Variants in KIF26B observed in about 807,000 individuals in gnomAD.
KIF26B encodes kinesin family member 26B.
A neutral mutation model predicts 151.2 loss-of-function variants in KIF26B; 63 were observed. The ratio of observed to expected loss-of-function variants is 0.42; its 90% CI spans 0.34 to 0.51. The LOEUF (loss-of-function observed/expected upper bound fraction) is 0.51. Ranked by LOEUF, KIF26B falls within the 20% of genes least tolerant of loss-of-function variation. The probability of loss-of-function intolerance (pLI) is 0.07; values close to 1 mark genes in which losing one functional copy is unlikely to be tolerated. For missense variants in KIF26B, 2,813 were observed against 2,913.6 expected (o/e 0.97, Z 0.79); for synonymous variants, 1,357 against 1,262.1 (o/e 1.08, Z -1.59).
intron 10 of KIF26B, among the ~76,000 whole-genome samples, chr1:245,662,243 A>G (rs551599936): frequency 1.3e-5 from 2 of 150,664 alleles, no homozygotes; most frequent in East Asian, 3.9e-4. Flanking sequence ...ACCCAATGAT[A>G]TATCTATACA....
intron 12 of KIF26B, among the ~76,000 whole-genome samples, chr1:245,697,568 C>G (rs371628081): frequency 6.6e-6 from 1 of 152,064 alleles, no homozygotes; most frequent in African/African-American, 2.4e-5. Context: ...AACTAGGAGG[C>G]GGTTCTAAAG....
Position 245,579,852 on chromosome 1 carries a change from GAAAA to G in KIF26B, c.1351-22713_1351-22710del, listed in dbSNP as rs113159653. Among the ~76,000 whole-genome samples, 683 of 106,896 alleles carry G rather than the reference GAAAA, an allele frequency of 6.4e-3. 10 individuals carry two copies. Among genetic ancestry groups the G allele is most frequent in the South Asian group, 0.033 (117 of 3,494 alleles). 70.1% of individuals were successfully genotyped at this position (106,896 alleles called of 152,430 possible). A position where few individuals can be genotyped will look rare whatever the true frequency, so the allele number is the denominator to read the frequency against. ...AACAAGAGTGAAACTTCATCTCAAA[GAAAA>G]AAAAAAAAAAAGAGCTTTGATTTTC... On this transcript the variant is annotated intron_variant, in intron 5 of 14. Transcript: ENST00000407071.
In KIF26B at chr1:245,704,119, G is replaced by A. The variant is rs2044810069; in HGVS notation, c.*1513G>A. ...TTTCCCTGATAAAAGCTGTGGTGCT[G>A]ATGATAGTGCAGCCCAGAATCTAAG... is the stretch of plus-strand genomic sequence containing the variant. On this transcript the variant is annotated 3_prime_UTR_variant, in exon 15 of 15. Transcript: ENST00000407071. 1 of 152,266 alleles carries A rather than the reference G, an allele frequency of 6.6e-6. No individual in the cohort carries two copies. The highest frequency in any genetic ancestry group is 2.4e-5 in the African/African-American group (1 of 41,456). The allele number at this position is 152,266 out of a possible 1,614,324, so 9.4% of individuals were successfully genotyped here.
chr1:245,219,817 T>A (rs1159880162), intron 2 of KIF26B, among the ~76,000 whole-genome samples: 2 of 152,172 alleles, frequency 1.3e-5, no homozygotes, highest in Non-Finnish European at 2.9e-5. Context: ...TCACTGCCTC[T>A]CCTGCCAGCT....
chr1:245,261,488 TCTCTCTCTCTCTCTCC>T lies in KIF26B; in HGVS notation c.465+104809_465+104824del, dbSNP rs1185978666. On this transcript the variant is annotated intron_variant, in intron 2 of 14. Coordinates refer to ENST00000407071, the MANE Select transcript of KIF26B (RefSeq NM_018012.4). ...TTCTTTCTCTCTCTCTCTCTCTCTC[TCTCTCTCTCTCTCTCC>T]CTCCCTCCCTCCCTCCCTCTCTCTC... Among the ~76,000 whole-genome samples, 692 of 124,904 alleles carry T rather than the reference TCTCTCTCTCTCTCTCC, an allele frequency of 5.5e-3. 9 individuals are homozygous for T. Among genetic ancestry groups the T allele is most frequent in the African/African-American group, 0.021 (625 of 30,436 alleles). 81.9% of individuals were successfully genotyped at this position (124,904 alleles called of 152,430 possible). A position where few individuals can be genotyped will look rare whatever the true frequency, so the allele number is the denominator to read the frequency against.
At chr1:245,414,206 G>A (rs1674362301) in intron 3 of KIF26B, among the ~76,000 whole-genome samples, 2 of 152,232 alleles carry the variant, frequency 1.3e-5, no homozygotes, top group African/African-American at 2.4e-5. Flanking sequence ...CTTTGTTATA[G>A]GTAGCAGCAA....
intron 10 of KIF26B, among the ~76,000 whole-genome samples, chr1:245,646,645 G>C (rs989128010): frequency 1.3e-5 from 2 of 152,134 alleles, no homozygotes; most frequent in Admixed American, 6.5e-5. Context: ...ATCCTTAGGG[G>C]TAGGGCCACC....
intron 5 of KIF26B, among the ~76,000 whole-genome samples, chr1:245,559,276 T>G (rs1662110859): frequency 6.6e-6 from 1 of 152,154 alleles, no homozygotes; most frequent in Non-Finnish European, 1.5e-5. Context: ...AAGTCTAAGC[T>G]CCGGTGAGCC....
At chr1:245,531,978 G>A (rs1048350898) in intron 4 of KIF26B, among the ~76,000 whole-genome samples, 1 of 152,076 alleles carries the variant, frequency 6.6e-6, no homozygotes, top group African/African-American at 2.4e-5. Context: ...GGGCACACCT[G>A]TAGTCCTCGC....
chr1:245,365,387 TGCTGAGGA>T (rs1210259940), intron 2 of KIF26B, among the ~76,000 whole-genome samples: 1 of 152,124 alleles, frequency 6.6e-6, no homozygotes, highest in South Asian at 2.1e-4. Context: ...AATCAGTGCG[TGCTGAGGA>T]GCTGTTCGGG....
rs968319727 is a variant in KIF26B at position 245,635,288 on chromosome 1, G to C, written c.2099-10833G>C. Among the ~76,000 whole-genome samples, 20 of 152,022 alleles carry C rather than the reference G, an allele frequency of 1.3e-4. No individual in the cohort carries two copies. In the East Asian group the frequency reaches 3.5e-3, roughly 27 times the overall value. On this transcript the variant is annotated intron_variant, in intron 9 of 14. Transcript: ENST00000407071. Reference sequence around the variant, plus strand: ...CTAGAGTTTTACCTGTGGAAAGGTTGTGAACTACAGATTCTATTTCTTTAA... The same window carrying C: ...CTAGAGTTTTACCTGTGGAAAGGTTCTGAACTACAGATTCTATTTCTTTAA...
intron 10 of KIF26B, among the ~76,000 whole-genome samples, chr1:245,682,452 A>ATAT (rs1262069099): frequency 2.0e-5 from 3 of 147,828 alleles, no homozygotes; most frequent in Admixed American, 6.7e-5. Flanking sequence ...TCCACTACTC[A>ATAT]TGTAAGACCT....
intron 2 of KIF26B, among the ~76,000 whole-genome samples, chr1:245,240,744 C>A (rs1670199649): frequency 1.3e-5 from 2 of 152,102 alleles, no homozygotes; most frequent in Non-Finnish European, 2.9e-5. Context: ...TTTAGGGAAG[C>A]TGGGAGAGGC....
At chr1:245,673,647 T>G (rs2044322401) in intron 10 of KIF26B, 1 of 152,286 alleles carries the variant, frequency 6.6e-6, no homozygotes, top group Non-Finnish European at 1.5e-5. Flanking sequence ...AAAGGGGTGC[T>G]GTCAAAATGC....
chr1:245,200,733 A>G (rs986871877), intron 2 of KIF26B, among the ~76,000 whole-genome samples: 9 of 152,204 alleles, frequency 5.9e-5, no homozygotes, highest in African/African-American at 1.9e-4. Context: ...CTGCCTTTTC[A>G]TAGAGAACGC....
chr1:245,229,856 C>T lies in KIF26B; in HGVS notation c.465+73173C>T, dbSNP rs560569696. ...AGAGCAAATAAAACCACTCAGAGGC[C>T]GGGTTCGGTGGCTCACGCCTGTAAT... is the stretch of plus-strand genomic sequence containing the variant. On this transcript the variant is annotated intron_variant, in intron 2 of 14. Coordinates refer to ENST00000407071, the MANE Select transcript of KIF26B (RefSeq NM_018012.4). 1.0e-3 allele frequency among the ~76,000 whole-genome samples: 152 copies of T among 152,296 alleles called. 1 individual carries two copies. Among genetic ancestry groups the T allele is most frequent in the African/African-American group, 3.4e-3 (142 of 41,576 alleles).
At chr1:245,242,289 C>T (rs919479289) in intron 2 of KIF26B, among the ~76,000 whole-genome samples, 3 of 152,162 alleles carry the variant, frequency 2.0e-5, no homozygotes, top group Non-Finnish European at 4.4e-5. Context: ...TCAGATCTTA[C>T]TGCTATGCCG....
At chr1:245,652,452 T>C (rs188108096) in intron 10 of KIF26B, among the ~76,000 whole-genome samples, 156 of 152,334 alleles carry the variant, frequency 1.0e-3, no homozygotes, top group African/African-American at 3.6e-3. Context: ...TATGAGATTT[T>C]TAGCATTCTC....
At chr1:245,238,025 C>CA (rs1553337529) in intron 2 of KIF26B, among the ~76,000 whole-genome samples, 1,365 of 74,952 alleles carry the variant, frequency 0.018, 25 homozygotes, top group East Asian at 0.11. Context: ...GACCCTGTCT[C>CA]AAAAAAAAAA....
Sources: gnomAD v4.1 joint callset for allele counts (sites outside exome capture counted in the v4.1 genomes callset) on GRCh38, gnomAD v4.1.1 for gene constraint, MANE v1.5 for transcripts, NCBI Gene and HGNC (gene_info 2026-07-23, HGNC 2026-07-21) for gene names.